PAK3: variants seen among roughly 807,000 people sequenced by gnomAD.
The protein encoded by PAK3 is serine/threonine-protein kinase PAK 3.
PAK3 carries 4 observed loss-of-function variants against 41.0 expected under a neutral mutation model. The observed-to-expected ratio is 0.10, with a 90% confidence interval of 0.05 to 0.22. The LOEUF is 0.22. Ranked by LOEUF, PAK3 falls within the 10% of genes least tolerant of loss-of-function variation. The pLI is 1.00. For synonymous variants in PAK3, 146 were observed against 139.6 expected (o/e 1.05, Z -0.32); for missense variants, 205 against 409.9 (o/e 0.50, Z 4.32).
At chrX:110,955,591 T>C (rs752602316) in intron 1 of PAK3, among the ~76,000 whole-genome samples, 1 of 111,516 alleles carries the variant, frequency 9.0e-6, no homozygotes, top group Non-Finnish European at 1.9e-5. Context: ...TGAGCTGTGA[T>C]TGTGCCACTA....
At chrX:110,945,003 G>A (rs2090582429) in intron 1 of PAK3, among the ~76,000 whole-genome samples, 1 of 112,163 alleles carries the variant, frequency 8.9e-6, no homozygotes, top group South Asian at 3.7e-4. Context: ...TGGGTGCCTG[G>A]GGCTTTGTTA....
chrX:111,157,303 T>C (rs1039035672), intron 8 of PAK3, among the ~76,000 whole-genome samples: 1 of 111,557 alleles, frequency 9.0e-6, no homozygotes, highest in Non-Finnish European at 1.9e-5. Context: ...AAAATTAAGC[T>C]CAGAGAAAAG....
chrX:111,201,818 T>C (rs897341877), intron 16 of PAK3, among the ~76,000 whole-genome samples: 8 of 110,410 alleles, frequency 7.2e-5, no homozygotes, highest in Admixed American at 3.9e-4. Context: ...CAGTTCACTG[T>C]AGGAAAAAAA....
chrX:110,963,876 G>A (rs2091030847), intron 1 of PAK3, among the ~76,000 whole-genome samples: 1 of 112,003 alleles, frequency 8.9e-6, no homozygotes. Context: ...ATATCAGCGT[G>A]AGGTGTTATG....
At chrX:111,177,529 A>C (rs1437477158) in intron 11 of PAK3, among the ~76,000 whole-genome samples, 1 of 112,094 alleles carries the variant, frequency 8.9e-6, no homozygotes, top group Non-Finnish European at 1.9e-5. Context: ...GAGCAAATTT[A>C]TGCAAAGTTA....
chrX:110,986,756 C>CAT (rs1356924728), intron 1 of PAK3, among the ~76,000 whole-genome samples: 1 of 104,412 alleles, frequency 9.6e-6, no homozygotes, highest in Admixed American at 1.0e-4. Context: ...CAAGTGTACG[C>CAT]GTGTGTGTGT....
intron 11 of PAK3, among the ~76,000 whole-genome samples, chrX:111,173,867 C>T (rs942333781): frequency 1.8e-5 from 2 of 111,471 alleles, no homozygotes; most frequent in African/African-American, 6.5e-5. Context: ...CAGGCAACAG[C>T]ATTTGAAACA....
At chrX:110,976,074 C>T (rs1002505600) in intron 1 of PAK3, among the ~76,000 whole-genome samples, 12 of 111,862 alleles carry the variant, frequency 1.1e-4, no homozygotes, top group African/African-American at 3.6e-4. Flanking sequence ...ACAAAAACAC[C>T]AAAAGCAATG....
chrX:111,080,842 A>G (rs2092828605), intron 1 of PAK3, among the ~76,000 whole-genome samples: 1 of 112,206 alleles, frequency 8.9e-6, no homozygotes, highest in Non-Finnish European at 1.9e-5. Context: ...CGTGTCCATC[A>G]ATGGATGACT....
At position 111,173,223 on chromosome X, in the gene PAK3, G is replaced by A. The variant is rs1603349569; in HGVS notation, c.830+142G>A. 2.6e-5 allele frequency: 12 copies of A among 453,210 alleles called. No homozygotes were observed. The East Asian group carries it at 4.6e-4, about 17-fold the overall frequency. 37.3% of individuals were successfully genotyped at this position (453,210 alleles called of 1,213,427 possible). On this transcript the variant is annotated intron_variant, in intron 11 of 17. Coordinates refer to ENST00000372007, the MANE Select transcript of PAK3 (RefSeq NM_002578.5). ...TTTATGTCTTGCATTCTCAGTATTG[G>A]CCTTTCAGGGGGAGTGCTGACAACA...
chrX:111,077,721 G>C (rs998282306), intron 1 of PAK3, among the ~76,000 whole-genome samples: 1 of 111,524 alleles, frequency 9.0e-6, no homozygotes, highest in African/African-American at 3.3e-5. Flanking sequence ...AGAGAATATA[G>C]GGAAAAACCT....
chrX:111,062,862 T>C (rs2092668914), intron 1 of PAK3, among the ~76,000 whole-genome samples: 1 of 107,323 alleles, frequency 9.3e-6, no homozygotes, highest in Non-Finnish European at 1.9e-5. Flanking sequence ...TTTTTCTGCC[T>C]CAGAAGACAA....
chrX:111,200,788 T>C (rs781135035), intron 16 of PAK3, among the ~76,000 whole-genome samples: 1 of 112,583 alleles, frequency 8.9e-6, no homozygotes, highest in East Asian at 2.8e-4. Context: ...CCTGCAAATT[T>C]TAAGGATTAA....
chrX:111,058,688 G>C (rs2092626602), intron 1 of PAK3, among the ~76,000 whole-genome samples: 1 of 111,350 alleles, frequency 9.0e-6, no homozygotes, highest in Admixed American at 9.5e-5. Flanking sequence ...AACTTATTGA[G>C]TTTTTTTCTT....
chrX:111,164,519 C>T (rs1163612567), intron 10 of PAK3, among the ~76,000 whole-genome samples: 1 of 111,115 alleles, frequency 9.0e-6, no homozygotes, highest in Non-Finnish European at 1.9e-5. Context: ...TTAAGGGCAT[C>T]TCTTCCTTAC....
intron 1 of PAK3, among the ~76,000 whole-genome samples, chrX:110,947,159 A>G (rs2090635321): frequency 8.9e-6 from 1 of 111,855 alleles, no homozygotes; most frequent in African/African-American, 3.3e-5. Flanking sequence ...AACATGGATC[A>G]GCACCCATCT....
At chrX:111,000,036 C>T (rs1452481173) in intron 1 of PAK3, among the ~76,000 whole-genome samples, 8 of 111,433 alleles carry the variant, frequency 7.2e-5, no homozygotes, top group African/African-American at 2.6e-4. Context: ...TATCCATATT[C>T]CCTCTCACTG....
At chrX:111,072,841 G>T (rs764449206) in intron 1 of PAK3, among the ~76,000 whole-genome samples, 1 of 111,958 alleles carries the variant, frequency 8.9e-6, no homozygotes, top group African/African-American at 3.2e-5. Context: ...GCAGTAAGAA[G>T]CTGAAGATGT....
intron 1 of PAK3, among the ~76,000 whole-genome samples, chrX:111,001,117 C>T (rs975752945): frequency 2.7e-5 from 3 of 112,003 alleles, no homozygotes; most frequent in Non-Finnish European, 5.6e-5. Flanking sequence ...CCACAGGAAG[C>T]CTAGTGTGGC....
Sources: gnomAD v4.1 joint callset for allele counts (sites outside exome capture counted in the v4.1 genomes callset) on GRCh38, gnomAD v4.1.1 for gene constraint, MANE v1.5 for transcripts, NCBI Gene and HGNC (gene_info 2026-07-23, HGNC 2026-07-21) for gene names.